The following KALRN variants were observed in gnomAD, a reference collection of about 807,000 sequenced individuals.
KALRN encodes the protein kalirin.
KALRN carries 70 observed loss-of-function variants against 353.7 expected under a neutral mutation model. That is an observed-to-expected ratio of 0.20 (90% CI 0.16 to 0.24). The LOEUF (loss-of-function observed/expected upper bound fraction) is 0.24, where lower values mean the gene tolerates loss of function less well. Ranked by LOEUF, KALRN falls within the 10% of genes least tolerant of loss-of-function variation. KALRN has a pLI of 1.00. For missense variants in KALRN, 2,791 were observed against 3,756.7 expected, an observed-to-expected ratio of 0.74 and a Z score of 6.72; for synonymous variants, 1,391 against 1,434.8, an observed-to-expected ratio of 0.97 and a Z score of 0.69.
intron 34 of KALRN, among the ~76,000 whole-genome samples, chr3:124,565,949 G>C (rs2072757483): frequency 6.6e-6 from 1 of 152,186 alleles, no homozygotes; most frequent in Non-Finnish European, 1.5e-5. Flanking sequence ...GACCAGGAAT[G>C]GAAAATAGAG....
intron 28 of KALRN, among the ~76,000 whole-genome samples, chr3:124,483,528 G>A (rs2062206529): frequency 6.6e-6 from 1 of 152,174 alleles, no homozygotes; most frequent in East Asian, 1.9e-4. Context: ...CTGCAGCCTG[G>A]GTGACAGAGT....
chr3:124,445,798 T>C lies in KALRN; in HGVS notation c.3314-363T>C, dbSNP rs3732613. 2.7e-4 allele frequency among the ~76,000 whole-genome samples: 41 copies of C among 152,346 alleles called. 1 individual carries two copies. The East Asian group carries it at 7.7e-3, about 29-fold the overall frequency. On this transcript the variant is annotated intron_variant, in intron 19 of 59. Coordinates refer to ENST00000682506, the MANE Select transcript of KALRN (RefSeq NM_001388419.1). Reference sequence around the variant, plus strand: ...TGAGATTCCTGTCAAGGTCCACCCATGCTCATTAGACTCTGGGGGCCAATT... The same window carrying C: ...TGAGATTCCTGTCAAGGTCCACCCACGCTCATTAGACTCTGGGGGCCAATT...
At chr3:124,355,906 G>C (rs2083350696) in intron 10 of KALRN, among the ~76,000 whole-genome samples, 1 of 151,596 alleles carries the variant, frequency 6.6e-6, no homozygotes, top group Admixed American at 6.6e-5. Flanking sequence ...GTAGAGATGG[G>C]GTTTCACCAT....
intron 6 of KALRN, among the ~76,000 whole-genome samples, chr3:124,325,580 A>G (rs776994190): frequency 3.3e-5 from 5 of 152,188 alleles, no homozygotes; most frequent in Non-Finnish European, 7.4e-5. Context: ...CCCCTGAGCA[A>G]GAGAGATGTC....
At chr3:124,280,905 T>A (rs532757493) in intron 5 of KALRN, among the ~76,000 whole-genome samples, 1 of 152,300 alleles carries the variant, frequency 6.6e-6, no homozygotes, top group African/African-American at 2.4e-5. Context: ...CTGTATCCCA[T>A]GGCTCTTCCT....
At chr3:124,412,887 G>T (rs1231559430) in intron 13 of KALRN, among the ~76,000 whole-genome samples, 1 of 152,172 alleles carries the variant, frequency 6.6e-6, no homozygotes, top group East Asian at 1.9e-4. Flanking sequence ...GGGTTTGATG[G>T]ACACCAGCTC....
chr3:124,415,968 G>A (rs1393497889), intron 14 of KALRN, among the ~76,000 whole-genome samples: 1 of 152,208 alleles, frequency 6.6e-6, no homozygotes, highest in Non-Finnish European at 1.5e-5. Context: ...TAGGGAAGTA[G>A]GGGAAACTGT....
chr3:124,281,471 C>T (rs546387754), intron 5 of KALRN, among the ~76,000 whole-genome samples: 1 of 152,308 alleles, frequency 6.6e-6, no homozygotes, highest in Non-Finnish European at 1.5e-5. Context: ...AGCTCCCATC[C>T]CTCAGGGCAT....
chr3:124,284,720 T>C (rs188119906), intron 5 of KALRN, among the ~76,000 whole-genome samples: 1 of 152,316 alleles, frequency 6.6e-6, no homozygotes, highest in African/African-American at 2.4e-5. Flanking sequence ...CTAAACATCA[T>C]GAGGGTGTGA....
rs1272525398 is a variant in KALRN at position 124,280,681 on chromosome 3, T to A, written c.969+11426T>A. 3.9e-5 allele frequency among the ~76,000 whole-genome samples: 6 copies of A among 152,132 alleles called. 1 individual carries two copies. The East Asian group carries it at 1.2e-3, about 29-fold the overall frequency. On this transcript the variant is annotated intron_variant, in intron 5 of 59. Coordinates refer to ENST00000682506, the MANE Select transcript of KALRN (RefSeq NM_001388419.1). ...GTTAGTTGATCTGAAACCCCAAGAG[T>A]TTGCCCACCCAGAGAATGATGTTCT... is the stretch of plus-strand genomic sequence containing the variant.
At chr3:124,170,831 C>CTTTTTTTTTTTTTTTTTTTTTTTTTT (rs752783614) in intron 1 of KALRN, among the ~76,000 whole-genome samples, 1 of 47,118 alleles carries the variant, frequency 2.1e-5, no homozygotes, top group African/African-American at 8.0e-5. Context: ...CTTCCACATT[C>CTTTTTTTTTTTTTTTTTTTTTTTTTT]TTTTTTTTTT....
At chr3:124,545,242 T>G (rs1353636146) in intron 33 of KALRN, among the ~76,000 whole-genome samples, 1 of 152,228 alleles carries the variant, frequency 6.6e-6, no homozygotes, top group Non-Finnish European at 1.5e-5. Flanking sequence ...TTTGCTCTTT[T>G]TTTGTATAGG....
At chr3:124,374,490 T>G (rs559080475) in intron 10 of KALRN, 66 of 152,136 alleles carry the variant, frequency 4.3e-4, no homozygotes, top group African/African-American at 1.6e-3. Context: ...CAAAACAGGG[T>G]GAAAGGACTT....
At chr3:124,512,573 C>A (rs1217749525) in intron 33 of KALRN, among the ~76,000 whole-genome samples, 2 of 152,074 alleles carry the variant, frequency 1.3e-5, no homozygotes, top group Admixed American at 6.5e-5. Flanking sequence ...ATTGCTGGAA[C>A]CACAGAGGCA....
intron 33 of KALRN, among the ~76,000 whole-genome samples, chr3:124,513,189 C>T (rs56030328): frequency 0.14 from 20,719 of 152,078 alleles, 1,539 homozygotes; most frequent in East Asian, 0.28. Flanking sequence ...GGGTAGGGGG[C>T]TGGGAGCAGG....
intron 1 of KALRN, among the ~76,000 whole-genome samples, chr3:124,046,235 A>C (rs1320411005): frequency 6.6e-6 from 1 of 152,238 alleles, no homozygotes; most frequent in Non-Finnish European, 1.5e-5. Context: ...GACTCAAAGT[A>C]TTAGAAGGTG....
chr3:124,154,751 A>T (rs990639752), intron 1 of KALRN, among the ~76,000 whole-genome samples: 3 of 152,206 alleles, frequency 2.0e-5, no homozygotes, highest in Admixed American at 6.5e-5. Context: ...ACAGAATTGG[A>T]AAAAACTACT....
At chr3:124,038,950 G>A (rs565137793) in intron 1 of KALRN, among the ~76,000 whole-genome samples, 1 of 152,214 alleles carries the variant, frequency 6.6e-6, no homozygotes, top group East Asian at 1.9e-4. Context: ...ATGGCCCCAG[G>A]CCAGGCCCCA....
At chr3:124,306,478 G>A (rs2077710636) in intron 6 of KALRN, among the ~76,000 whole-genome samples, 1 of 152,072 alleles carries the variant, frequency 6.6e-6, no homozygotes, top group Non-Finnish European at 1.5e-5. Context: ...AATGTACAGA[G>A]CTTCAGGAAA....
Sources: gnomAD v4.1 joint callset for allele counts (sites outside exome capture counted in the v4.1 genomes callset) on GRCh38, gnomAD v4.1.1 for gene constraint, MANE v1.5 for transcripts, NCBI Gene and HGNC (gene_info 2026-07-23, HGNC 2026-07-21) for gene names.